The following DENND1A variants were observed in gnomAD, a reference collection of about 807,000 sequenced individuals.
The protein encoded by DENND1A is DENN domain containing 1A, also known as DENN domain-containing protein 1A.
DENND1A carries 51 observed loss-of-function variants against 113.7 expected under a neutral mutation model. The ratio of observed to expected loss-of-function variants is 0.45; its 90% CI spans 0.36 to 0.57. The LOEUF (loss-of-function observed/expected upper bound fraction) is 0.57, where lower values mean the gene tolerates loss of function less well. DENND1A is among the 20% of genes least tolerant of loss of function. The pLI is 0.00. For synonymous variants in DENND1A, 565 were observed against 570.8 expected (o/e 0.99, Z 0.14); for missense variants, 1,258 against 1,395.9 (o/e 0.90, Z 1.57).
At chr9:123,556,952 T>C (rs934399985) in intron 13 of DENND1A, among the ~76,000 whole-genome samples, 4 of 152,278 alleles carry the variant, frequency 2.6e-5, no homozygotes, top group East Asian at 3.9e-4. Flanking sequence ...GCAGGGGACA[T>C]AGATAAGTCA....
intron 13 of DENND1A, among the ~76,000 whole-genome samples, chr9:123,477,547 A>G (rs1005720081): frequency 6.6e-6 from 1 of 151,914 alleles, no homozygotes; most frequent in Non-Finnish European, 1.5e-5. Context: ...GTGACGTAAC[A>G]TGGACACAGT....
At chr9:123,633,285 C>T (rs2061560058) in intron 9 of DENND1A, among the ~76,000 whole-genome samples, 1 of 152,158 alleles carries the variant, frequency 6.6e-6, no homozygotes, top group African/African-American at 2.4e-5. Flanking sequence ...AAGATCCTGT[C>T]CTCACCTCCA....
intron 10 of DENND1A, among the ~76,000 whole-genome samples, chr9:123,617,731 G>T (rs113930298): frequency 7.9e-5 from 12 of 152,290 alleles, no homozygotes; most frequent in African/African-American, 2.4e-4. Context: ...AAGGTCAGGA[G>T]ACAGGGCTCT....
At chr9:123,652,186 T>C in intron 8 of DENND1A, 63 bp from the exon 9 acceptor site, 1 of 1,299,220 alleles carries the variant, frequency 7.7e-7, no homozygotes, top group Non-Finnish European at 1.1e-6. Context: ...TAACTGTATC[T>C]AATAAGAGCA....
At position 123,619,092 on chromosome 9, in the gene DENND1A, A is replaced by G. The variant is rs543036183; in HGVS notation, c.720-9611T>C. The stretch of plus-strand genomic sequence containing the variant: ...CCTCAGAGTAGCTGGGATTACAGGC[A>G]CACGCCACCACGCCCAGCTAATTTT... On this transcript the variant is annotated intron_variant, in intron 10 of 23. Coordinates refer to ENST00000394215, the MANE Select transcript of DENND1A (RefSeq NM_001352964.2). Among the ~76,000 whole-genome samples the G allele has an allele frequency of 3.0e-4, 45 of 152,146 alleles. 2 individuals carry two copies. The East Asian group carries it at 8.0e-3, about 27-fold the overall frequency.
At chr9:123,457,043 CT>C (rs2132903346) in intron 15 of DENND1A, 1 of 254,532 alleles carries the variant, frequency 3.9e-6, no homozygotes, top group Admixed American at 5.0e-5. Context: ...AGAGTCCTAA[CT>C]TGAATCCAGG....
At chr9:123,646,752 C>T (rs193273616) in intron 9 of DENND1A, among the ~76,000 whole-genome samples, 1 of 152,098 alleles carries the variant, frequency 6.6e-6, no homozygotes, top group South Asian at 2.1e-4. Context: ...GGGATTGTTG[C>T]CTGTTTTGTT....
At chr9:123,757,278 G>A (rs953720937) in intron 5 of DENND1A, among the ~76,000 whole-genome samples, 2 of 152,230 alleles carry the variant, frequency 1.3e-5, no homozygotes, top group African/African-American at 4.8e-5. Context: ...AAGGGGGCAA[G>A]GGTGTTACTT....
At chr9:123,456,280 C>A (rs1435562974) in intron 15 of DENND1A, among the ~76,000 whole-genome samples, 2 of 152,076 alleles carry the variant, frequency 1.3e-5, no homozygotes, top group South Asian at 2.1e-4. Context: ...TGGGCACACA[C>A]CCAGCAATAA....
chr9:123,725,110 T>C (rs2067608026), intron 5 of DENND1A, among the ~76,000 whole-genome samples: 1 of 152,228 alleles, frequency 6.6e-6, no homozygotes, highest in Non-Finnish European at 1.5e-5. Flanking sequence ...CAGAGCACAA[T>C]GACACCAATT....
chr9:123,727,970 G>T (rs191749877), intron 5 of DENND1A, among the ~76,000 whole-genome samples: 1 of 152,094 alleles, frequency 6.6e-6, no homozygotes. Flanking sequence ...GCCAGGCATT[G>T]TGGCAGGCTC....
chr9:123,535,255 T>G (rs767309504), intron 13 of DENND1A, among the ~76,000 whole-genome samples: 17 of 152,160 alleles, frequency 1.1e-4, no homozygotes, highest in Admixed American at 2.6e-4. Context: ...TTAAAGTCAC[T>G]CCAATGGTTT....
intron 4 of DENND1A, among the ~76,000 whole-genome samples, chr9:123,766,898 C>A (rs1195198055): frequency 2.0e-5 from 3 of 152,104 alleles, no homozygotes; most frequent in African/African-American, 7.2e-5. Flanking sequence ...CTGTGAAAAT[C>A]CACCTCTTGA....
rs371114012 is a variant in DENND1A at position 123,536,692 on chromosome 9, A to G, written c.993+20878T>C. Among the ~76,000 whole-genome samples the G allele has an allele frequency of 1.1e-3, 172 of 152,260 alleles. 2 individuals are homozygous for G. The highest frequency in any genetic ancestry group is 4.0e-3 in the African/African-American group (165 of 41,562). The stretch of plus-strand genomic sequence containing the variant: ...AGAAAATGCATGAGGACCTCCTTCC[A>G]GGACAGGGGTCCACAATGGGGAGAA... On this transcript the variant is annotated intron_variant, in intron 13 of 23. Transcript: ENST00000394215.
At chr9:123,487,796 G>A (rs534021499) in intron 13 of DENND1A, among the ~76,000 whole-genome samples, 38 of 152,326 alleles carry the variant, frequency 2.5e-4, no homozygotes, top group African/African-American at 7.5e-4. Flanking sequence ...TACCAAGCAT[G>A]CTGAAAGGGG....
chr9:123,810,566 A>T (rs113088411), intron 2 of DENND1A, among the ~76,000 whole-genome samples: 1 of 149,836 alleles, frequency 6.7e-6, no homozygotes, highest in African/African-American at 2.5e-5. Flanking sequence ...AAAAAAAAAA[A>T]AAACAAACAT....
intron 5 of DENND1A, among the ~76,000 whole-genome samples, chr9:123,696,079 A>G (rs889335660): frequency 6.6e-6 from 1 of 152,110 alleles, no homozygotes; most frequent in African/African-American, 2.4e-5. Flanking sequence ...ACAACTGTGA[A>G]CTTCAAAATC....
chr9:123,929,845 C>A, intron 1 of DENND1A, 44 bp downstream of exon 1: 1 of 238,074 alleles, frequency 4.2e-6, no homozygotes, highest in South Asian at 1.2e-4. Flanking sequence ...CCGGCCTCGC[C>A]GCCCCGCGCC....
intron 3 of DENND1A, among the ~76,000 whole-genome samples, chr9:123,789,927 T>C (rs1832748653): frequency 6.6e-6 from 1 of 152,012 alleles, no homozygotes. Context: ...ATACACTATA[T>C]GTAAAAACAA....
Sources: gnomAD v4.1 joint callset for allele counts (sites outside exome capture counted in the v4.1 genomes callset) on GRCh38, gnomAD v4.1.1 for gene constraint, MANE v1.5 for transcripts, NCBI Gene and HGNC (gene_info 2026-07-23, HGNC 2026-07-21) for gene names.